The following C1orf52 variants were observed in gnomAD, a reference collection of about 807,000 sequenced individuals.
The protein encoded by C1orf52 is UPF0690 protein C1orf52.
In C1orf52, 5 loss-of-function variants were observed where a neutral mutation model predicts 17.2. That is an observed-to-expected ratio of 0.29 (90% CI 0.15 to 0.61). C1orf52 has a LOEUF of 0.61. Ranked by LOEUF, C1orf52 falls within the 20% of genes least tolerant of loss-of-function variation. The pLI is 0.85. For missense variants in C1orf52, 245 were observed against 234.1 expected, an observed-to-expected ratio of 1.05 and a Z score of -0.30; for synonymous variants, 110 against 88.0, an observed-to-expected ratio of 1.25 and a Z score of -1.40.
intron 2 of C1orf52, 97 bp from the exon 3 acceptor site, chr1:85,252,799 C>T: frequency 2.8e-6 from 2 of 715,092 alleles, no homozygotes; most frequent in Non-Finnish European, 2.3e-6. Flanking sequence ...AATTATTACC[C>T]TCATCAATTA....
At chr1:85,255,511 C>T (rs10873696) in intron 2 of C1orf52, among the ~76,000 whole-genome samples, 78,400 of 150,000 alleles carry the variant, frequency 0.52, 20,657 homozygotes, top group South Asian at 0.61. Flanking sequence ...GATCACACCA[C>T]TGCACTCCAG....
At chr1:85,257,192 C>A (rs1301029559) in intron 2 of C1orf52, among the ~76,000 whole-genome samples, 1 of 152,212 alleles carries the variant, frequency 6.6e-6, no homozygotes, top group Non-Finnish European at 1.5e-5. Flanking sequence ...ACAAACACTT[C>A]AAATCCTGCT....
intron 2 of C1orf52, chr1:85,257,519 A>G (rs1240512199): frequency 8.4e-6 from 6 of 713,140 alleles, no homozygotes; most frequent in African/African-American, 1.8e-5. Flanking sequence ...GAAAGGGCCT[A>G]TTAATACAAG....
chr1:85,258,972 C>T, intron 1 of C1orf52: 2 of 1,379,280 alleles, frequency 1.5e-6, no homozygotes, highest in South Asian at 3.2e-5. Flanking sequence ...TACGCCAAGG[C>T]TGACCCCTTC....
Position 85,258,657 on chromosome 1 carries a change from C to G in C1orf52, c.342G>C (p.Glu114Asp). 1 of 1,613,862 alleles carries G rather than the reference C, an allele frequency of 6.2e-7. No homozygotes were observed. Among genetic ancestry groups the G allele is most frequent in the Non-Finnish European group, 8.5e-7 (1 of 1,179,982 alleles). ...CAAGCTCTGGAGGCGGAGGCTTCTT[C>G]TCAGTGGTGTAGGTCTCAGGAGGTG... ...YVPPPETYTT[E>D]KKPPPPELDM... The change falls in exon 2 of 3, where the codon GAG becomes GAC. Residue 114 changes from glutamate (E) to aspartate (D), a missense_variant. Coordinates refer to ENST00000471115, the MANE Select transcript of C1orf52 (RefSeq NM_198077.4).
At chr1:85,256,755 C>G (rs1659948638) in intron 2 of C1orf52, among the ~76,000 whole-genome samples, 2 of 137,354 alleles carry the variant, frequency 1.5e-5, no homozygotes, top group Admixed American at 1.6e-4. Context: ...GCCGAGATGG[C>G]GCCACTGCAC....
Position 85,252,620 on chromosome 1 carries a change from C to A in C1orf52, c.*9G>T. ...AGTTTAGCAGTACAGAAATTCTGGTCATTTGTTTCTACTTTTTCTTCTTTG... is the reference window on the plus strand; with the variant it reads ...AGTTTAGCAGTACAGAAATTCTGGTAATTTGTTTCTACTTTTTCTTCTTTG... On this transcript the variant is annotated 3_prime_UTR_variant, in exon 3 of 3. Coordinates refer to ENST00000471115, the MANE Select transcript of C1orf52 (RefSeq NM_198077.4). 1 of 1,611,536 alleles carries A rather than the reference C, an allele frequency of 6.2e-7. No individual in the cohort carries two copies. Among genetic ancestry groups the A allele is most frequent in the South Asian group, 1.1e-5 (1 of 90,942 alleles).
At chr1:85,253,661 C>T (rs1659854356) in intron 2 of C1orf52, among the ~76,000 whole-genome samples, 1 of 152,022 alleles carries the variant, frequency 6.6e-6, no homozygotes, top group South Asian at 2.1e-4. Context: ...TACACCTTTC[C>T]AAAATGTTAA....
chr1:85,253,409 C>T (rs1010532477), intron 2 of C1orf52, among the ~76,000 whole-genome samples: 7 of 152,164 alleles, frequency 4.6e-5, no homozygotes, highest in African/African-American at 1.7e-4. Context: ...ACCTTCTCCA[C>T]CCACCCCAAA....
chr1:85,251,738 T>A lies in C1orf52; in HGVS notation c.*891A>T, dbSNP rs1428450908. On this transcript the variant is annotated 3_prime_UTR_variant, in exon 3 of 3. Coordinates refer to ENST00000471115, the MANE Select transcript of C1orf52 (RefSeq NM_198077.4). ...ACTTACAATTTAATAAAGAAATTAA[T>A]GAATAACCATAAAGCACAGATGACA... 2 of 152,146 alleles carry A rather than the reference T, an allele frequency of 1.3e-5. No homozygotes were observed. The highest frequency in any genetic ancestry group is 2.9e-5 in the Non-Finnish European group (2 of 68,028). The allele number at this position is 152,146 out of a possible 1,614,324, so 9.4% of individuals were successfully genotyped here.
At chr1:85,257,982 T>G (rs1160654085) in intron 2 of C1orf52, among the ~76,000 whole-genome samples, 1 of 151,980 alleles carries the variant, frequency 6.6e-6, no homozygotes, top group Non-Finnish European at 1.5e-5. Flanking sequence ...TAGCCCGGCG[T>G]GGTGGCAGGC....
At chr1:85,258,151 GA>G (rs1393197000) in intron 2 of C1orf52, among the ~76,000 whole-genome samples, 1 of 150,736 alleles carries the variant, frequency 6.6e-6, no homozygotes, top group African/African-American at 2.4e-5. Flanking sequence ...AGAAAAAGAA[GA>G]AAAAAAAGAA....
chr1:85,252,230 T>A lies in C1orf52; in HGVS notation c.*399A>T, dbSNP rs1659817561. 1 of 162,486 alleles carries A rather than the reference T, an allele frequency of 6.2e-6. No individual in the cohort carries two copies. The highest frequency in any genetic ancestry group is 1.3e-5 in the Non-Finnish European group (1 of 74,786). The allele number at this position is 162,486 out of a possible 1,614,324, so 10.1% of individuals were successfully genotyped here. On this transcript the variant is annotated 3_prime_UTR_variant, in exon 3 of 3. Coordinates refer to ENST00000471115, the MANE Select transcript of C1orf52 (RefSeq NM_198077.4). ...AAGTAATTTTATTTCCATGATCTATTTACACTGTACAAAGACTGTTGAAAA... is the reference window on the plus strand; with the variant it reads ...AAGTAATTTTATTTCCATGATCTATATACACTGTACAAAGACTGTTGAAAA...
intron 2 of C1orf52, among the ~76,000 whole-genome samples, chr1:85,253,394 C>T (rs1001357051): frequency 2.0e-5 from 3 of 152,028 alleles, no homozygotes; most frequent in Admixed American, 6.6e-5. Flanking sequence ...TTCTTCTGCC[C>T]CATCACCTTC....
At chr1:85,257,109 T>C (rs2100733972) in intron 2 of C1orf52, among the ~76,000 whole-genome samples, 1 of 152,354 alleles carries the variant, frequency 6.6e-6, no homozygotes, top group East Asian at 1.9e-4. Context: ...AAAAATGGCA[T>C]ACTTTCTTAA....
intron 2 of C1orf52, 116 bp downstream of exon 2, chr1:85,258,408 C>A: frequency 1.0e-6 from 1 of 1,002,962 alleles, no homozygotes; most frequent in South Asian, 1.6e-5. Flanking sequence ...ATCCAAAGAC[C>A]ATCAAATTAG....
chr1:85,257,497 T>G, intron 2 of C1orf52: 1 of 717,012 alleles, frequency 1.4e-6, no homozygotes, highest in Non-Finnish European at 2.6e-6. Flanking sequence ...TAAAAATGAC[T>G]GTGGACAGGG....
chr1:85,259,262 G>T (rs1660026716), intron 1 of C1orf52, 96 bp downstream of exon 1: 2 of 1,439,500 alleles, frequency 1.4e-6, no homozygotes, highest in African/African-American at 2.9e-5. Flanking sequence ...GGGTGACTGC[G>T]TGTGGGGGGA....
chr1:85,257,173 G>A (rs988504288), intron 2 of C1orf52, among the ~76,000 whole-genome samples: 1 of 152,184 alleles, frequency 6.6e-6, no homozygotes, highest in Non-Finnish European at 1.5e-5. Flanking sequence ...TACTTACAAT[G>A]TACTCGATAC....
Sources: gnomAD v4.1 joint callset for allele counts (sites outside exome capture counted in the v4.1 genomes callset) on GRCh38, gnomAD v4.1.1 for gene constraint, MANE v1.5 for transcripts, NCBI Gene and HGNC (gene_info 2026-07-23, HGNC 2026-07-21) for gene names.